Variants in CFAP65 observed in about 807,000 individuals in gnomAD.
The protein encoded by CFAP65 is cilia and flagella associated protein 65.
A neutral mutation model predicts 208.0 loss-of-function variants in CFAP65; 155 were observed. The observed-to-expected ratio is 0.75, with a 90% CI of 0.65 to 0.85. The LOEUF is 0.85. Among genes scored for constraint, CFAP65 ranks in the 40% least tolerant of loss-of-function variants. CFAP65 has a pLI of 0.00. For synonymous variants in CFAP65, 970 were observed against 986.3 expected (o/e 0.98, Z 0.31); for missense variants, 2,294 against 2,451.3 (o/e 0.94, Z 1.36).
Position 219,021,155 on chromosome 2 carries a change from T to C in CFAP65, c.3256A>G (p.Arg1086Gly). The C allele has an allele frequency of 6.4e-7, 1 of 1,558,602 alleles. No homozygotes were observed. The highest frequency in any genetic ancestry group is 2.3e-5 in the East Asian group (1 of 42,596). Residue 1086 changes from arginine to glycine, a missense_variant, in exon 19 of 35, where the codon AGA (arginine) becomes GGA (glycine). Physicochemically the swap from Arg to Gly is moderately radical, Grantham distance 125. Around this residue, in one of 2 missense-constraint regions of CFAP65, gnomAD observed 1,427 missense variants for 1,438.7 expected, o/e 0.99. Transcript: ENST00000341552. ...WTITYSLLSHRDNKAGEKQEL... is the reference protein window; with the variant it reads ...WTITYSLLSHGDNKAGEKQEL... ...CTATGCCAGGCAGTCTAGGTACCTCTGTGGGAAAGGAGAGAGTAGGTGATG... is the reference window on the plus strand; with the variant it reads ...CTATGCCAGGCAGTCTAGGTACCTCCGTGGGAAAGGAGAGAGTAGGTGATG...
At chr2:219,008,677 G>A (rs143324962) in intron 29 of CFAP65, among the ~76,000 whole-genome samples, 2,396 of 152,256 alleles carry the variant, frequency 0.016, 63 homozygotes, top group African/African-American at 0.055. Context: ...CCTGGGAGGT[G>A]GAGGTTACAG....
In CFAP65 at chr2:219,006,029, A is replaced by G; in HGVS notation, c.4914T>C (p.Phe1638=). ...CCTTCCCAAGAGCTTACCGGTGCAA[A>G]AAGTGGCAGGGAAACTCTGAGAAGA... is the stretch of plus-strand genomic sequence containing the variant. ...ANFFSEFPCH[F]LHRELPKRKA... The change falls in exon 31 of 35, where the codon TTT becomes TTC. Residue 1638 remains phenylalanine (F), a synonymous_variant. Transcript: ENST00000341552. The G allele has an allele frequency of 6.2e-7, 1 of 1,613,362 alleles. No individual in the cohort carries two copies. Among genetic ancestry groups the G allele is most frequent in the Non-Finnish European group, 8.5e-7 (1 of 1,179,998 alleles).
At position 219,009,142 on chromosome 2, in the gene CFAP65, G is replaced by A. The variant is rs1427308633; in HGVS notation, c.4579C>T (p.Gln1527Ter). The A allele has an allele frequency of 6.2e-7, 1 of 1,612,574 alleles. No individual in the cohort carries two copies. Among genetic ancestry groups the A allele is most frequent in the African/African-American group, 1.3e-5 (1 of 74,928 alleles). The change falls in exon 29 of 35, where the codon CAG becomes TAG. Residue 1527 changes from glutamine to a stop codon, truncating the protein, a stop_gained. Coordinates refer to ENST00000341552, the MANE Select transcript of CFAP65 (RefSeq NM_194302.4). LOFTEE classifies it high-confidence loss of function. ...ADLVCKLYSQ[Q>*]LMRQYHKELQ... is the part of the protein sequence containing the mutation. Reference sequence around the variant, plus strand: ...TCCTTGTGATACTGCCTCATGAGCTGCTGCGAGTACAGCTATGGCCCAGGA... The same window carrying A: ...TCCTTGTGATACTGCCTCATGAGCTACTGCGAGTACAGCTATGGCCCAGGA...
At chr2:219,014,296 G>A in intron 21 of CFAP65, 1 of 349,004 alleles carries the variant, frequency 2.9e-6, no homozygotes, top group Non-Finnish European at 5.2e-6. Context: ...GGCTCCCACT[G>A]TGGATGCCAG....
Position 219,003,114 on chromosome 2 carries a change from C to A in CFAP65, c.5693+21G>T. The stretch of plus-strand genomic sequence containing the variant: ...GCCCCTCTCGCGCGGTCTGCGCGGC[C>A]GCTGGTCCCGGCGCCCTTACCTGGG... On this transcript the variant is annotated intron_variant, in intron 34 of 34. Transcript: ENST00000341552. The surrounding 1 kb of genome is among the most constrained non-coding windows in gnomAD (Gnocchi z 4.4). 6.5e-7 allele frequency: 1 copy of A among 1,542,398 alleles called. No individual in the cohort carries two copies. The highest frequency in any genetic ancestry group is 8.8e-7 in the Non-Finnish European group (1 of 1,141,174).
At chr2:219,021,384 G>T in intron 18 of CFAP65, 104 bp from the exon 19 acceptor site, 2 of 1,344,274 alleles carry the variant, frequency 1.5e-6, no homozygotes, top group South Asian at 1.8e-5. Flanking sequence ...AGGACAGCAG[G>T]CCCTGAGGCA....
intron 24 of CFAP65, among the ~76,000 whole-genome samples, chr2:219,012,585 A>G (rs868019308): frequency 6.6e-6 from 1 of 152,272 alleles, no homozygotes; most frequent in Non-Finnish European, 1.5e-5. Flanking sequence ...CAGCTGTGAA[A>G]TGTTTGGGAA....
intron 24 of CFAP65, 107 bp downstream of exon 24, chr2:219,013,152 A>G (rs1574550269): frequency 3.8e-6 from 3 of 798,348 alleles, no homozygotes; most frequent in South Asian, 3.1e-5. Flanking sequence ...CAGCCCCTCA[A>G]TGCTTCCAGA....
At chr2:219,018,981 A>G in intron 21 of CFAP65, 70 bp downstream of exon 21, 2 of 1,593,390 alleles carry the variant, frequency 1.3e-6, no homozygotes, top group Non-Finnish European at 1.7e-6. Flanking sequence ...AAGAGAGTGC[A>G]GCTCTTGTTC....
rs148044633 is a variant in CFAP65 at position 219,004,038 on chromosome 2, C to T, written c.5469G>A (p.Gln1823=). The change falls in exon 33 of 35, where the codon CAG becomes CAA. Residue 1823 remains glutamine, a synonymous_variant. Transcript: ENST00000341552. This position sits in a 1 kb window ranked among gnomAD's most constrained non-coding sequence, Gnocchi z 4.7. The part of the protein sequence containing the change: ...GIGPTPQPES[Q]ESMQWQWQQQ... ...GTTGCCACTGCCATTGCATGGACTC[C>T]TGGGACTCAGGCTGTGGTGTGGGCC... 6.9e-5 allele frequency: 111 copies of T among 1,613,992 alleles called. 1 individual carries two copies. The highest frequency in any genetic ancestry group is 4.9e-4 in the Middle Eastern group (3 of 6,084).
In CFAP65 at chr2:219,004,885, TTCTC is replaced by T. The variant is rs58105158; in HGVS notation, c.5052-434_5052-431del. ...AAGAAGTTCTGTTTCTTTTTTTCTT[TTCTC>T]TCTCTCTCTATTTCTCTCTTTCTTT... On this transcript the variant is annotated intron_variant, in intron 32 of 34. Transcript: ENST00000341552. This position sits in a 1 kb window ranked among gnomAD's most constrained non-coding sequence, Gnocchi z 4.7. 1.5e-4 allele frequency among the ~76,000 whole-genome samples: 22 copies of T among 147,688 alleles called. No homozygotes were observed. Among genetic ancestry groups the T allele is most frequent in the Admixed American group, 4.7e-4 (7 of 14,956 alleles).
intron 13 of CFAP65, 168 bp downstream of exon 13, chr2:219,027,482 G>C: frequency 6.4e-7 from 1 of 1,573,588 alleles, no homozygotes; most frequent in East Asian, 2.4e-5. Context: ...GCTAGGCCAG[G>C]AGCTTTGGAG....
At chr2:219,013,750 GAGA>G in intron 22 of CFAP65, 115 bp downstream of exon 22, 2 of 1,167,526 alleles carry the variant, frequency 1.7e-6, no homozygotes, top group Non-Finnish European at 2.5e-6. Context: ...CTCTGCAGGT[GAGA>G]AGGTGGTCCT....
Position 219,019,652 on chromosome 2 carries a change from G to A in CFAP65, c.3327C>T (p.Ser1109=). Residue 1109 remains serine, a synonymous_variant, in exon 20 of 35, where the codon TCC becomes TCT. Coordinates refer to ENST00000341552, the MANE Select transcript of CFAP65 (RefSeq NM_194302.4). Reference sequence around the variant, plus strand: ...TGCCCATGGAGCTGACATCCAGGATGGAAAGCAAGGGGTACACGGCCACCA... The same window carrying A: ...TGCCCATGGAGCTGACATCCAGGATAGAAAGCAAGGGGTACACGGCCACCA... ...VSLVAVYPLL[S]ILDVSSMGSA... The A allele has an allele frequency of 6.2e-7, 1 of 1,613,800 alleles. No homozygotes were observed. Among genetic ancestry groups the A allele is most frequent in the Non-Finnish European group, 8.5e-7 (1 of 1,180,036 alleles).
intron 4 of CFAP65, among the ~76,000 whole-genome samples, chr2:219,036,685 C>G (rs941611460): frequency 2.6e-5 from 4 of 152,110 alleles, no homozygotes; most frequent in Admixed American, 2.6e-4. Context: ...CTCAGGTGAT[C>G]CACCCACCTT....
intron 21 of CFAP65, among the ~76,000 whole-genome samples, chr2:219,015,957 T>C (rs754351397): frequency 6.6e-6 from 1 of 150,552 alleles, no homozygotes; most frequent in Admixed American, 6.6e-5. Context: ...GTAACAGATA[T>C]AGTATTGGGC....
intron 19 of CFAP65, 47 bp downstream of exon 19, chr2:219,021,105 C>T: frequency 1.4e-6 from 2 of 1,465,546 alleles, no homozygotes; most frequent in Non-Finnish European, 1.8e-6. Flanking sequence ...CCCCCTTCAT[C>T]CTGCATTTCC....
Position 219,031,119 on chromosome 2 carries a change from C to G in CFAP65, c.1002G>C (p.Gln334His). The G allele has an allele frequency of 6.3e-7, 1 of 1,592,280 alleles. No individual in the cohort carries two copies. The highest frequency in any genetic ancestry group is 1.3e-5 in the African/African-American group (1 of 74,776). Residue 334 changes from glutamine (Q) to histidine (H), a missense_variant, in exon 8 of 35, where the codon CAG becomes CAC. Physicochemically the swap from Gln to His is conservative, Grantham distance 24. Around this residue, in one of 2 missense-constraint regions of CFAP65, gnomAD observed 867 missense variants for 1,012.6 expected, o/e 0.86. Transcript: ENST00000341552. The surrounding 1 kb of genome is among the most constrained non-coding windows in gnomAD (Gnocchi z 5.2). ...GAGSRQRSSI[Q>H]LQAVAKCAQL... The stretch of plus-strand genomic sequence containing the variant: ...GTTGGGCCTCACCCACAGCCTGCAG[C>G]TGGATGCTGCTCCTCTGCCGGCTGC...
chr2:219,030,923 C>A, intron 8 of CFAP65, 89 bp from the exon 9 acceptor site: 1 of 1,516,892 alleles, frequency 6.6e-7, no homozygotes, highest in East Asian at 2.3e-5. Flanking sequence ...CAGGTGGCCC[C>A]AGGGAAAATT....
Sources: gnomAD v4.1 joint callset for allele counts (sites outside exome capture counted in the v4.1 genomes callset) on GRCh38, gnomAD v4.1.1 for gene constraint, gnomAD v4.1.1 regional missense constraint, Gnocchi (gnomAD v3.1) non-coding constraint, MANE v1.5 for transcripts, NCBI Gene and HGNC (gene_info 2026-07-23, HGNC 2026-07-21) for gene names.